TENM3: variants seen among roughly 807,000 people sequenced by gnomAD.
The protein encoded by TENM3 is teneurin-3.
In TENM3, 63 loss-of-function variants were observed where a neutral mutation model predicts 255.1. The ratio of observed to expected loss-of-function variants is 0.25; its 90% CI spans 0.20 to 0.30. The LOEUF is 0.30. Among genes scored for constraint, TENM3 ranks in the 10% least tolerant of loss-of-function variants. The pLI is 1.00. For synonymous variants in TENM3, 1,306 were observed against 1,322.3 expected, an observed-to-expected ratio of 0.99 and a Z score of 0.27; for missense variants, 2,929 against 3,461.1, an observed-to-expected ratio of 0.85 and a Z score of 3.86.
chr4:182,799,519 A>C lies in TENM3; in HGVS notation c.7345-77A>C. 3 of 1,491,288 alleles carry C rather than the reference A, an allele frequency of 2.0e-6. No individual in the cohort carries two copies. The highest frequency in any genetic ancestry group is 2.7e-6 in the Non-Finnish European group (3 of 1,129,830). The allele number at this position is 1,491,288 out of a possible 1,614,324, so 92.4% of individuals were successfully genotyped here. A position where few individuals can be genotyped will look rare whatever the true frequency, so the allele number is the denominator to read the frequency against. ...CCATGCATGCCCCGGCGCTGCCCCC[A>C]GAGTCCCGTGTGTGGGTCAGGAGTG... On this transcript the variant is annotated intron_variant, in intron 27 of 27. Coordinates refer to ENST00000511685, the MANE Select transcript of TENM3 (RefSeq NM_001080477.4). This position sits in a 1 kb window ranked among gnomAD's most constrained non-coding sequence, Gnocchi z 4.2.
the TENM3 span, among the ~76,000 whole-genome samples, chr4:181,663,622 A>G: frequency 3.3e-5 from 5 of 152,338 alleles, no homozygotes; most frequent in Admixed American, 2.6e-4. Context: ...AGAGCTGTAG[A>G]TTTCAGTAAG....
chr4:181,498,903 T>C, the TENM3 span, among the ~76,000 whole-genome samples: 2 of 152,222 alleles, frequency 1.3e-5, no homozygotes, highest in Non-Finnish European at 2.9e-5. Flanking sequence ...TTTTTTCTTT[T>C]TACTGTGATC....
chr4:182,332,456 GC>G (rs1763822309), intron 2 of TENM3, among the ~76,000 whole-genome samples: 1 of 152,172 alleles, frequency 6.6e-6, no homozygotes, highest in Non-Finnish European at 1.5e-5. Context: ...ACTTTGGGAG[GC>G]CGAGGCGGGC....
At chr4:182,775,963 T>TAGAC (rs955178819) in intron 24 of TENM3, among the ~76,000 whole-genome samples, 1 of 151,828 alleles carries the variant, frequency 6.6e-6, no homozygotes, top group Non-Finnish European at 1.5e-5. Context: ...AGATGATAGA[T>TAGAC]AGATAGATAG....
At chr4:181,826,647 C>T in the TENM3 span, among the ~76,000 whole-genome samples, 2 of 152,124 alleles carry the variant, frequency 1.3e-5, no homozygotes, top group African/African-American at 4.8e-5. Flanking sequence ...AGGCAACCAG[C>T]GTTTTGTTGA....
At chr4:182,594,800 A>G (rs773336957) in intron 3 of TENM3, among the ~76,000 whole-genome samples, 1 of 149,144 alleles carries the variant, frequency 6.7e-6, no homozygotes, top group Non-Finnish European at 1.5e-5. Flanking sequence ...GCTCACTGCA[A>G]CCTCCGCCTC....
chr4:182,532,371 G>T (rs757153347), intron 3 of TENM3, among the ~76,000 whole-genome samples: 1 of 152,090 alleles, frequency 6.6e-6, no homozygotes, highest in Non-Finnish European at 1.5e-5. Flanking sequence ...AATACTGGTG[G>T]CATTGATGTT....
At chr4:181,553,481 G>A in the TENM3 span, among the ~76,000 whole-genome samples, 23 of 151,870 alleles carry the variant, frequency 1.5e-4, no homozygotes, top group South Asian at 6.3e-4. Context: ...TGGCTCTGTC[G>A]CCCAGGCTGG....
the TENM3 span, among the ~76,000 whole-genome samples, chr4:181,710,008 A>G: frequency 6.6e-6 from 1 of 152,184 alleles, no homozygotes; most frequent in Non-Finnish European, 1.5e-5. Flanking sequence ...ATTAAATTTG[A>G]CATGCATATT....
At chr4:181,681,217 A>G in the TENM3 span, among the ~76,000 whole-genome samples, 1 of 152,094 alleles carries the variant, frequency 6.6e-6, no homozygotes, top group Non-Finnish European at 1.5e-5. Flanking sequence ...TGGAGGTCAA[A>G]TCTCATAGCT....
At chr4:181,545,757 GGAAA>G in the TENM3 span, among the ~76,000 whole-genome samples, 1 of 152,022 alleles carries the variant, frequency 6.6e-6, no homozygotes, top group Non-Finnish European at 1.5e-5. Flanking sequence ...GAATAACAAT[GGAAA>G]GAAATTCAGC....
intron 3 of TENM3, among the ~76,000 whole-genome samples, chr4:182,519,340 A>G (rs1038669894): frequency 6.6e-6 from 1 of 152,224 alleles, no homozygotes; most frequent in African/African-American, 2.4e-5. Flanking sequence ...TGGTTCATTT[A>G]TATCTCTGTT....
chr4:181,831,917 G>C, the TENM3 span, among the ~76,000 whole-genome samples: 2 of 151,024 alleles, frequency 1.3e-5, no homozygotes, highest in Non-Finnish European at 2.9e-5. Flanking sequence ...TGTCAACCCT[G>C]CATGAAGCAT....
At chr4:181,850,991 G>A in the TENM3 span, among the ~76,000 whole-genome samples, 53 of 148,340 alleles carry the variant, frequency 3.6e-4, 1 homozygote, top group African/African-American at 1.2e-3. Flanking sequence ...GGGGACAGAC[G>A]GGATAAAGCT....
intron 11 of TENM3, among the ~76,000 whole-genome samples, chr4:182,686,495 T>C (rs1756583236): frequency 6.6e-6 from 1 of 152,128 alleles, no homozygotes; most frequent in East Asian, 1.9e-4. Flanking sequence ...CCTACCTCTT[T>C]TGTTGATGTG....
At chr4:182,132,725 T>G in the TENM3 span, among the ~76,000 whole-genome samples, 1 of 152,220 alleles carries the variant, frequency 6.6e-6, no homozygotes, top group East Asian at 1.9e-4. Context: ...TTCATTAAAC[T>G]CTAGTTCATA....
At chr4:181,890,004 G>C in the TENM3 span, among the ~76,000 whole-genome samples, 1 of 152,188 alleles carries the variant, frequency 6.6e-6, no homozygotes, top group Non-Finnish European at 1.5e-5. Flanking sequence ...CTAATCAAGA[G>C]AAGTCTTCAG....
chr4:181,542,252 C>A, the TENM3 span, among the ~76,000 whole-genome samples: 85 of 152,222 alleles, frequency 5.6e-4, no homozygotes, highest in African/African-American at 2.0e-3. Context: ...AAAAACGTGA[C>A]CCAGAAGTGG....
intron 1 of TENM3, among the ~76,000 whole-genome samples, chr4:182,273,009 G>A (rs1479883836): frequency 1.3e-5 from 2 of 152,216 alleles, no homozygotes; most frequent in African/African-American, 4.8e-5. Context: ...TTGATTGTGA[G>A]TTAGTCTTGA....
Sources: gnomAD v4.1 joint callset for allele counts (sites outside exome capture counted in the v4.1 genomes callset) on GRCh38, gnomAD v4.1.1 for gene constraint, Gnocchi (gnomAD v3.1) non-coding constraint, MANE v1.5 for transcripts, NCBI Gene and HGNC (gene_info 2026-07-23, HGNC 2026-07-21) for gene names.